Variants in SUCLG2 observed in about 807,000 individuals in gnomAD.
SUCLG2 encodes the protein succinate-CoA ligase GDP-forming subunit beta.
SUCLG2 carries 42 observed loss-of-function variants against 47.9 expected under a neutral mutation model. That is an observed-to-expected ratio of 0.88 (90% CI 0.69 to 1.14). SUCLG2 has a LOEUF of 1.14. SUCLG2 is among the 50% of genes most tolerant of loss of function. SUCLG2 has a pLI of 0.00. For missense variants in SUCLG2, 571 were observed against 525.9 expected (o/e 1.09, Z -0.84); for synonymous variants, 195 against 197.3 (o/e 0.99, Z 0.10).
intron 9 of SUCLG2, 38 bp from the exon 10 acceptor site, chr3:67,400,889 G>C (rs1015245003): frequency 2.5e-6 from 4 of 1,609,848 alleles, no homozygotes; most frequent in Non-Finnish European, 8.5e-7. Flanking sequence ...TCAAAATGCT[G>C]ATCGCCAACA....
chr3:67,440,739 A>C (rs1000917803), intron 9 of SUCLG2, among the ~76,000 whole-genome samples: 2 of 152,230 alleles, frequency 1.3e-5, no homozygotes, highest in Admixed American at 1.3e-4. Flanking sequence ...CAGATACTGG[A>C]GAGGATGTGG....
At chr3:67,479,176 C>T (rs993556663) in intron 9 of SUCLG2, among the ~76,000 whole-genome samples, 1 of 152,020 alleles carries the variant, frequency 6.6e-6, no homozygotes, top group Non-Finnish European at 1.5e-5. Flanking sequence ...AATCTCAATT[C>T]CCAAATGGTA....
rs572417918 is a variant in SUCLG2 at position 67,573,625 on chromosome 3, T to C, written c.226+35830A>G. Among the ~76,000 whole-genome samples the C allele has an allele frequency of 2.0e-4, 31 of 152,248 alleles. No individual in the cohort carries two copies. In the South Asian group the frequency reaches 6.4e-3, roughly 32 times the overall value. On this transcript the variant is annotated intron_variant, in intron 2 of 10. Coordinates refer to ENST00000307227, the MANE Select transcript of SUCLG2 (RefSeq NM_003848.4). Reference sequence around the variant, plus strand: ...GGGTCCCTGGAGAAACTCCACCCAGTCTGCCCACTGGGGTACAGCCTCGAG... The same window carrying C: ...GGGTCCCTGGAGAAACTCCACCCAGCCTGCCCACTGGGGTACAGCCTCGAG...
At chr3:67,580,401 T>C (rs1707851528) in intron 2 of SUCLG2, among the ~76,000 whole-genome samples, 1 of 152,258 alleles carries the variant, frequency 6.6e-6, no homozygotes, top group South Asian at 2.1e-4. Flanking sequence ...CCTGTTCTTC[T>C]TCATATTTTA....
intron 9 of SUCLG2, among the ~76,000 whole-genome samples, chr3:67,438,554 G>C (rs1271985799): frequency 1.3e-5 from 2 of 151,778 alleles, no homozygotes; most frequent in African/African-American, 4.8e-5. Context: ...ATAAAAGGGA[G>C]ATCATCACTG....
rs780060990 is a variant in SUCLG2 at position 67,375,752 on chromosome 3, T to A, written c.1291A>T (p.Lys431Ter). Reference protein sequence around the residue: ...AAKKAVASVAKK With the variant: ...AAKKAVASVA ...GGATCAGGACAAAGACATCACTTCT[T>A]GGCCACACTGGCCACAGCCTTCTTG... The change falls in exon 11 of 11, where the codon AAG becomes TAG. Residue 431 changes from lysine to a stop codon, truncating the protein, a stop_gained. Coordinates refer to ENST00000307227, the MANE Select transcript of SUCLG2 (RefSeq NM_003848.4). LOFTEE classifies it high-confidence loss of function. 5 of 1,613,092 alleles carry A rather than the reference T, an allele frequency of 3.1e-6. No individual in the cohort carries two copies. In the East Asian group the frequency reaches 1.1e-4, roughly 36 times the overall value.
At chr3:67,398,216 C>T (rs1702594773) in intron 10 of SUCLG2, among the ~76,000 whole-genome samples, 1 of 150,384 alleles carries the variant, frequency 6.6e-6, no homozygotes, top group South Asian at 2.1e-4. Flanking sequence ...AAGAAACTAC[C>T]ATCAGAGTGA....
intron 10 of SUCLG2, among the ~76,000 whole-genome samples, chr3:67,379,045 C>T (rs1702094167): frequency 6.6e-6 from 1 of 152,194 alleles, no homozygotes; most frequent in African/African-American, 2.4e-5. Flanking sequence ...CTCCCTGGTT[C>T]AAGCAATTCT....
chr3:67,497,949 G>A (rs1436405044), intron 8 of SUCLG2, among the ~76,000 whole-genome samples, 185 bp downstream of exon 8: 1 of 152,136 alleles, frequency 6.6e-6, no homozygotes, highest in East Asian at 1.9e-4. Context: ...GAGAAATTCT[G>A]CTTTACACCA....
At chr3:67,485,154 T>C (rs761363745) in intron 9 of SUCLG2, among the ~76,000 whole-genome samples, 100 of 152,352 alleles carry the variant, frequency 6.6e-4, no homozygotes, top group Non-Finnish European at 8.5e-4. Flanking sequence ...CTGTGTCAAA[T>C]ATTAATAAAT....
At chr3:67,595,222 A>G (rs1708266915) in intron 2 of SUCLG2, among the ~76,000 whole-genome samples, 1 of 152,182 alleles carries the variant, frequency 6.6e-6, no homozygotes, top group Non-Finnish European at 1.5e-5. Context: ...AACTCCAAAC[A>G]CTGTGAAGTT....
intron 9 of SUCLG2, among the ~76,000 whole-genome samples, chr3:67,494,576 T>A (rs908691088): frequency 1.3e-5 from 2 of 152,056 alleles, no homozygotes; most frequent in African/African-American, 4.8e-5. Context: ...CAGTGAACTA[T>A]GATAACACCA....
At chr3:67,437,185 C>G (rs1012993992) in intron 9 of SUCLG2, among the ~76,000 whole-genome samples, 3 of 152,112 alleles carry the variant, frequency 2.0e-5, no homozygotes, top group African/African-American at 7.2e-5. Flanking sequence ...AAGACTGAAG[C>G]TTCAGTCTTT....
intron 2 of SUCLG2, among the ~76,000 whole-genome samples, chr3:67,607,200 C>T (rs1001379291): frequency 2.6e-5 from 4 of 152,096 alleles, no homozygotes; most frequent in African/African-American, 9.7e-5. Context: ...TGTGCACTGT[C>T]CTAGATGGTA....
chr3:67,418,387 G>A (rs1559518742), intron 9 of SUCLG2, among the ~76,000 whole-genome samples: 3 of 152,106 alleles, frequency 2.0e-5, no homozygotes, highest in South Asian at 4.2e-4. Flanking sequence ...GAAAACTGAG[G>A]CTCAGAAAGC....
chr3:67,442,310 A>G (rs6786169), intron 9 of SUCLG2, among the ~76,000 whole-genome samples: 87,174 of 151,920 alleles, frequency 0.57, 25,425 homozygotes, highest in Non-Finnish European at 0.62. Flanking sequence ...GCGCCCGGCC[A>G]GGCTGTCTAC....
At position 67,554,344 on chromosome 3, in the gene SUCLG2, T is replaced by C. The variant is rs572083445; in HGVS notation, c.227-25158A>G. 3.1e-4 allele frequency among the ~76,000 whole-genome samples: 47 copies of C among 152,232 alleles called. 1 individual carries two copies. The highest frequency in any genetic ancestry group is 4.1e-4 in the South Asian group (2 of 4,826). ...TTTGTTGGAGTGTTGTTGTTGTTGTTAGGAATTTCAGTTGCTTTCTAATTG... is the reference window on the plus strand; with the variant it reads ...TTTGTTGGAGTGTTGTTGTTGTTGTCAGGAATTTCAGTTGCTTTCTAATTG... On this transcript the variant is annotated intron_variant, in intron 2 of 10. Coordinates refer to ENST00000307227, the MANE Select transcript of SUCLG2 (RefSeq NM_003848.4).
At chr3:67,540,023 A>C (rs1706658785) in intron 2 of SUCLG2, among the ~76,000 whole-genome samples, 1 of 151,098 alleles carries the variant, frequency 6.6e-6, no homozygotes, top group East Asian at 2.0e-4. Context: ...GGATTCATTG[A>C]TTTTTTTAAG....
At chr3:67,424,261 G>A (rs571205082) in intron 9 of SUCLG2, among the ~76,000 whole-genome samples, 1 of 152,226 alleles carries the variant, frequency 6.6e-6, no homozygotes. Context: ...TGTGCCTGGG[G>A]AAGAGGAGAA....
Sources: gnomAD v4.1 joint callset for allele counts (sites outside exome capture counted in the v4.1 genomes callset) on GRCh38, gnomAD v4.1.1 for gene constraint, MANE v1.5 for transcripts, NCBI Gene and HGNC (gene_info 2026-07-23, HGNC 2026-07-21) for gene names.